PDIA6: variants seen among roughly 807,000 people sequenced by gnomAD.
PDIA6 encodes the protein protein disulfide isomerase family A member 6.
PDIA6 carries 29 observed loss-of-function variants against 58.4 expected under a neutral mutation model. The observed-to-expected ratio is 0.50, with a 90% CI of 0.37 to 0.68. The LOEUF (loss-of-function observed/expected upper bound fraction) is 0.68. PDIA6 is among the 30% of genes least tolerant of loss of function. The pLI, the probability that PDIA6 is intolerant of heterozygous loss-of-function variation, is 0.00. For synonymous variants in PDIA6, 192 were observed against 202.6 expected (o/e 0.95, Z 0.44); for missense variants, 480 against 551.0 (o/e 0.87, Z 1.29).
chr2:10,792,735 A>AAT (rs35059069), intron 5 of PDIA6, among the ~76,000 whole-genome samples: 73,991 of 151,798 alleles, frequency 0.49, 19,559 homozygotes, highest in South Asian at 0.58. Context: ...GCCAAGAGGT[A>AAT]ATCCAATCTC....
chr2:10,805,819 CA>C (rs1329158554), intron 1 of PDIA6, among the ~76,000 whole-genome samples: 2 of 90,096 alleles, frequency 2.2e-5, no homozygotes, highest in Non-Finnish European at 5.1e-5. Context: ...AACAAAAAAC[CA>C]AACACCGCAT....
upstream of PDIA6, chr2:10,837,448 A>G: frequency 3.0e-6 from 2 of 656,242 alleles, no homozygotes; most frequent in Non-Finnish European, 2.8e-6. Flanking sequence ...GGAGAAAAAA[A>G]TAAGATGAAG....
At chr2:10,791,957 T>C (rs1377837430) in intron 5 of PDIA6, 32 bp from the exon 6 acceptor site, 2 of 1,602,724 alleles carry the variant, frequency 1.2e-6, no homozygotes, top group South Asian at 1.1e-5. Flanking sequence ...ATCAAACAAT[T>C]GGGCCAAGAA....
At chr2:10,794,830 G>A (rs929115205) in intron 4 of PDIA6, among the ~76,000 whole-genome samples, 6 of 152,200 alleles carry the variant, frequency 3.9e-5, no homozygotes, top group South Asian at 2.1e-4. Flanking sequence ...AGGAGGCTGA[G>A]GCAGGAGAAT....
intron 11 of PDIA6, among the ~76,000 whole-genome samples, chr2:10,785,634 A>G (rs1665690871): frequency 6.6e-6 from 1 of 152,242 alleles, no homozygotes; most frequent in African/African-American, 2.4e-5. Context: ...CAAACCTATT[A>G]TTAGAAAAAA....
At chr2:10,787,250 A>T (rs766767500) in intron 11 of PDIA6, 31 bp downstream of exon 11, 1 of 1,601,596 alleles carries the variant, frequency 6.2e-7, no homozygotes, top group Admixed American at 1.7e-5. Context: ...CAAACAGACA[A>T]AACAACAAAC....
intron 4 of PDIA6, 75 bp from the exon 5 acceptor site, chr2:10,793,277 T>G: frequency 1.1e-6 from 1 of 926,112 alleles, no homozygotes; most frequent in Non-Finnish European, 1.8e-6. Context: ...CCCAAGACTG[T>G]GTCTTTACCT....
chr2:10,816,802 T>G (rs894153172), upstream of PDIA6, among the ~76,000 whole-genome samples: 1 of 152,182 alleles, frequency 6.6e-6, no homozygotes, highest in Non-Finnish European at 1.5e-5. Context: ...TCAGAGGACA[T>G]GAATTCAACA....
chr2:10,785,086 G>C, intron 11 of PDIA6, 56 bp from the exon 12 acceptor site: 1 of 1,200,410 alleles, frequency 8.3e-7, no homozygotes, highest in African/African-American at 1.5e-5. Context: ...TGCTGGTGCA[G>C]AAGAATAAAC....
intron 1 of PDIA6, among the ~76,000 whole-genome samples, chr2:10,827,720 T>C (rs1207533360): frequency 6.6e-6 from 1 of 151,388 alleles, no homozygotes. Flanking sequence ...GCTACTCAGG[T>C]GGCTGAGGCA....
At chr2:10,824,054 G>A (rs1667479523) in intron 1 of PDIA6, among the ~76,000 whole-genome samples, 1 of 152,042 alleles carries the variant, frequency 6.6e-6, no homozygotes, top group Non-Finnish European at 1.5e-5. Context: ...CCTTATTTTT[G>A]CCACCTCCTT....
upstream of PDIA6, among the ~76,000 whole-genome samples, chr2:10,835,248 T>A (rs190330113): frequency 6.6e-6 from 1 of 152,160 alleles, no homozygotes; most frequent in Non-Finnish European, 1.5e-5. Context: ...GCTGTTTCCA[T>A]CCCAGGCCTG....
At chr2:10,785,094 A>G in intron 11 of PDIA6, 64 bp from the exon 12 acceptor site, 1 of 1,111,456 alleles carries the variant, frequency 9.0e-7, no homozygotes, top group Non-Finnish European at 1.3e-6. Context: ...CAGAAGAATA[A>G]ACAACTTTAA....
At chr2:10,822,787 A>G (rs1402126845) in intron 1 of PDIA6, among the ~76,000 whole-genome samples, 1 of 152,256 alleles carries the variant, frequency 6.6e-6, no homozygotes, top group African/African-American at 2.4e-5. Flanking sequence ...ACCAAAACAT[A>G]TGGTGGCCAC....
At chr2:10,831,787 G>A (rs1041643425) in intron 1 of PDIA6, among the ~76,000 whole-genome samples, 10 of 152,032 alleles carry the variant, frequency 6.6e-5, no homozygotes, top group African/African-American at 1.7e-4. Flanking sequence ...GCTCCCGGCC[G>A]TAGTCATCCT....
intron 1 of PDIA6, among the ~76,000 whole-genome samples, chr2:10,822,365 C>T (rs1003512009): frequency 6.6e-6 from 1 of 151,448 alleles, no homozygotes; most frequent in Non-Finnish European, 1.5e-5. Flanking sequence ...CGGGTTCATG[C>T]CATTCTCCTT....
chr2:10,820,806 T>A, intron 1 of PDIA6: 1 of 703,006 alleles, frequency 1.4e-6, no homozygotes, highest in Non-Finnish European at 2.6e-6. Flanking sequence ...GGCTGGGACC[T>A]CAACTGGGGC....
At chr2:10,809,645 CAAAA>C (rs56308831) in intron 1 of PDIA6, among the ~76,000 whole-genome samples, 33 of 64,670 alleles carry the variant, frequency 5.1e-4, no homozygotes, top group Admixed American at 2.7e-3. Flanking sequence ...GACCCGGTCT[CAAAA>C]AAAAAAAAAA....
At chr2:10,819,122 T>C (rs1368432964) in intron 2 of PDIA6, among the ~76,000 whole-genome samples, 1 of 152,212 alleles carries the variant, frequency 6.6e-6, no homozygotes, top group Admixed American at 6.5e-5. Context: ...TGTGTCAATT[T>C]CCTTCCTTCT....
Sources: allele counts gnomAD v4.1 joint callset (sites outside exome capture counted in the v4.1 genomes callset), GRCh38; gene constraint gnomAD v4.1.1; transcripts MANE v1.5; gene names NCBI Gene and HGNC (gene_info 2026-07-23, HGNC 2026-07-21).